PXDNL: variants seen among roughly 807,000 people sequenced by gnomAD.
The protein encoded by PXDNL is probable oxidoreductase PXDNL.
PXDNL carries 145 observed loss-of-function variants against 150.8 expected under a neutral mutation model. That is an observed-to-expected ratio of 0.96 (90% CI 0.84 to 1.10). The LOEUF (loss-of-function observed/expected upper bound fraction) is 1.10. Ranked by LOEUF, PXDNL falls within the 50% of genes least tolerant of loss-of-function variation. The pLI is 0.00. For synonymous variants in PXDNL, 757 were observed against 725.7 expected, an observed-to-expected ratio of 1.04 and a Z score of -0.69; for missense variants, 2,087 against 1,873.9, an observed-to-expected ratio of 1.11 and a Z score of -2.10.
Position 51,374,696 on chromosome 8 carries a change from G to A in PXDNL, c.3593C>T (p.Pro1198Leu), listed in dbSNP as rs372688901. ...AATCAGGTCTTCAACCATAAGGGCG[G>A]GCCAGAGGTCAATGTCACCTGGAGA... ...YGSPGDIDLW[P>L]ALMVEDLIPG... is the part of the protein sequence containing the mutation. Residue 1198 changes from proline to leucine, a missense_variant, in exon 18 of 23, where the codon CCC becomes CTC. By Grantham distance (98) the Pro-to-Leu change is moderately conservative. Coordinates refer to ENST00000356297, the MANE Select transcript of PXDNL (RefSeq NM_144651.5). 3.1e-6 allele frequency: 5 copies of A among 1,613,894 alleles called. No homozygotes were observed. The highest frequency in any genetic ancestry group is 4.2e-6 in the Non-Finnish European group (5 of 1,179,858).
chr8:51,486,773 TA>T (rs1810754736), intron 5 of PXDNL, among the ~76,000 whole-genome samples: 1 of 9,474 alleles, frequency 1.1e-4, no homozygotes, highest in African/African-American at 2.3e-4. Flanking sequence ...TATATATATA[TA>T]TATATATATA....
intron 2 of PXDNL, among the ~76,000 whole-genome samples, chr8:51,594,229 T>C (rs1353261662): frequency 6.6e-6 from 1 of 152,222 alleles, no homozygotes; most frequent in Non-Finnish European, 1.5e-5. Flanking sequence ...ATGTCTGCTA[T>C]GATGCATGTG....
At chr8:51,780,654 C>CTTTTTTTTTTTTTTTTTTTTTTTTTTT (rs71237240) in intron 1 of PXDNL, among the ~76,000 whole-genome samples, 8 of 75,168 alleles carry the variant, frequency 1.1e-4, no homozygotes, top group Non-Finnish European at 1.6e-4. Flanking sequence ...CTTTTCTTTT[C>CTTTTTTTTTTTTTTTTTTTTTTTTTTT]TTTTTTTTTT....
chr8:51,599,846 ACC>A (rs1204938252), intron 2 of PXDNL, among the ~76,000 whole-genome samples: 189 of 133,518 alleles, frequency 1.4e-3, no homozygotes, highest in African/African-American at 5.3e-3. Context: ...AATAAATTAT[ACC>A]TTATATAAAT....
At chr8:51,711,424 C>T (rs993098229) in intron 1 of PXDNL, among the ~76,000 whole-genome samples, 1 of 152,186 alleles carries the variant, frequency 6.6e-6, no homozygotes, top group African/African-American at 2.4e-5. Flanking sequence ...AGGCATGAGC[C>T]ACCGGACCCA....
intron 20 of PXDNL, among the ~76,000 whole-genome samples, chr8:51,341,752 G>A (rs968122864): frequency 1.3e-5 from 2 of 152,090 alleles, no homozygotes; most frequent in African/African-American, 4.8e-5. Flanking sequence ...TTAGCATAAT[G>A]TCCTCTAGAA....
intron 1 of PXDNL, among the ~76,000 whole-genome samples, chr8:51,770,482 G>A (rs968476379): frequency 2.6e-5 from 4 of 152,130 alleles, no homozygotes; most frequent in Non-Finnish European, 4.4e-5. Context: ...TTTTTCCTCC[G>A]GTTTTTTGCT....
At chr8:51,444,783 C>A (rs1048333235) in intron 12 of PXDNL, among the ~76,000 whole-genome samples, 3 of 152,234 alleles carry the variant, frequency 2.0e-5, no homozygotes, top group Non-Finnish European at 4.4e-5. Flanking sequence ...ATTCCCACCA[C>A]TGTGATCCTA....
intron 2 of PXDNL, among the ~76,000 whole-genome samples, chr8:51,644,317 T>TA (rs1334232672): frequency 1.7e-3 from 109 of 63,658 alleles, no homozygotes; most frequent in South Asian, 9.8e-3. Flanking sequence ...AAGGCACATT[T>TA]TTACATATAT....
intron 1 of PXDNL, among the ~76,000 whole-genome samples, chr8:51,713,247 G>A (rs978713135): frequency 6.6e-6 from 1 of 152,298 alleles, no homozygotes; most frequent in Non-Finnish European, 1.5e-5. Context: ...CTGCCCTAAG[G>A]CTAAACACAT....
intron 1 of PXDNL, among the ~76,000 whole-genome samples, chr8:51,730,415 G>A (rs1186374702): frequency 6.6e-6 from 1 of 152,048 alleles, no homozygotes; most frequent in Non-Finnish European, 1.5e-5. Context: ...TTCATAATCT[G>A]GGTGTCATCA....
At chr8:51,451,824 A>G (rs1809814652) in intron 10 of PXDNL, among the ~76,000 whole-genome samples, 2 of 152,210 alleles carry the variant, frequency 1.3e-5, no homozygotes. Flanking sequence ...TTAGGCAAAT[A>G]AAATCAGCCT....
At chr8:51,748,558 G>T (rs1224109073) in intron 1 of PXDNL, among the ~76,000 whole-genome samples, 1 of 152,222 alleles carries the variant, frequency 6.6e-6, no homozygotes, top group African/African-American at 2.4e-5. Context: ...CTGGGCCAAG[G>T]TTCACTGTCC....
At chr8:51,393,258 T>A (rs369547185) in intron 17 of PXDNL, among the ~76,000 whole-genome samples, 3 of 152,350 alleles carry the variant, frequency 2.0e-5, no homozygotes, top group Admixed American at 2.0e-4. Flanking sequence ...GATGTGTGCA[T>A]AGACTTAGCA....
chr8:51,367,778 A>G (rs1262555005), intron 19 of PXDNL, among the ~76,000 whole-genome samples: 1 of 152,238 alleles, frequency 6.6e-6, no homozygotes, highest in East Asian at 1.9e-4. Flanking sequence ...AAAAACAAAA[A>G]CACCATGTTG....
intron 1 of PXDNL, among the ~76,000 whole-genome samples, chr8:51,732,320 G>A (rs1324933505): frequency 2.6e-5 from 4 of 152,098 alleles, no homozygotes; most frequent in East Asian, 3.9e-4. Flanking sequence ...ACATAGCAAC[G>A]GTCACCTTAA....
intron 2 of PXDNL, among the ~76,000 whole-genome samples, chr8:51,625,299 C>T (rs1044747521): frequency 1.4e-4 from 21 of 152,084 alleles, no homozygotes; most frequent in African/African-American, 4.6e-4. Context: ...GAGAAAAAAG[C>T]GATGTATGAT....
chr8:51,806,663 C>A (rs2037679126), intron 1 of PXDNL, among the ~76,000 whole-genome samples: 1 of 152,126 alleles, frequency 6.6e-6, no homozygotes, highest in Admixed American at 6.5e-5. Flanking sequence ...CATGGTTGGG[C>A]TTGTATATTT....
chr8:51,717,634 A>G (rs898766397), intron 1 of PXDNL, among the ~76,000 whole-genome samples: 3 of 152,242 alleles, frequency 2.0e-5, no homozygotes, highest in African/African-American at 7.2e-5. Context: ...TTGTCCCTGC[A>G]TAATCAGTGC....
Sources: gnomAD v4.1 joint callset for allele counts (sites outside exome capture counted in the v4.1 genomes callset) on GRCh38, gnomAD v4.1.1 for gene constraint, MANE v1.5 for transcripts, NCBI Gene and HGNC (gene_info 2026-07-23, HGNC 2026-07-21) for gene names.